The following ANKS1B variants were observed in gnomAD, a reference collection of about 807,000 sequenced individuals.
ANKS1B encodes the protein ankyrin repeat and sterile alpha motif domain-containing protein 1B.
Under a neutral mutation model 148.3 loss-of-function variants are expected in ANKS1B, and 36 were observed. The observed-to-expected ratio is 0.24, with a 90% CI of 0.19 to 0.32. The LOEUF (loss-of-function observed/expected upper bound fraction) is 0.32, where lower values mean the gene tolerates loss of function less well. Ranked by LOEUF, ANKS1B falls within the 10% of genes least tolerant of loss-of-function variation. The probability of loss-of-function intolerance (pLI) is 1.00; values close to 1 mark genes in which losing one functional copy is unlikely to be tolerated. For synonymous variants in ANKS1B, 542 were observed against 560.8 expected (o/e 0.97, Z 0.47); for missense variants, 1,157 against 1,542.6 (o/e 0.75, Z 4.19).
At chr12:99,061,019 C>G (rs1408116894) in intron 16 of ANKS1B, among the ~76,000 whole-genome samples, 1 of 152,170 alleles carries the variant, frequency 6.6e-6, no homozygotes, top group Non-Finnish European at 1.5e-5. Flanking sequence ...ATTAGACAGG[C>G]ATTTTTATGT....
intron 16 of ANKS1B, among the ~76,000 whole-genome samples, 168 bp from the exon 17 acceptor site, chr12:99,053,477 TTAA>T (rs1195511412): frequency 6.6e-6 from 1 of 152,198 alleles, no homozygotes; most frequent in Non-Finnish European, 1.5e-5. Flanking sequence ...TTCTAAAACA[TTAA>T]TAATTTTCAC....
At chr12:99,699,347 A>G (rs1371092342) in intron 8 of ANKS1B, among the ~76,000 whole-genome samples, 1 of 152,178 alleles carries the variant, frequency 6.6e-6, no homozygotes, top group Non-Finnish European at 1.5e-5. Context: ...TCTTTTCATA[A>G]ATAATTACTT....
chr12:98,891,302 CAT>C (rs1037910114), intron 17 of ANKS1B, among the ~76,000 whole-genome samples: 10 of 151,646 alleles, frequency 6.6e-5, no homozygotes, highest in African/African-American at 2.4e-4. Flanking sequence ...ATTGGCCAAA[CAT>C]AAAGATTTTT....
At chr12:98,860,724 G>A (rs1346420735) in intron 17 of ANKS1B, among the ~76,000 whole-genome samples, 1 of 152,142 alleles carries the variant, frequency 6.6e-6, no homozygotes, top group African/African-American at 2.4e-5. Context: ...GCCTGTCAGG[G>A]GTCAGGGGGA....
At chr12:99,696,044 C>A (rs2053855701) in intron 8 of ANKS1B, among the ~76,000 whole-genome samples, 1 of 152,006 alleles carries the variant, frequency 6.6e-6, no homozygotes, top group Non-Finnish European at 1.5e-5. Flanking sequence ...CAGCAAAGCA[C>A]AACATACCCA....
intron 8 of ANKS1B, among the ~76,000 whole-genome samples, chr12:99,760,621 T>A (rs1429629237): frequency 1.3e-5 from 2 of 151,580 alleles, no homozygotes; most frequent in African/African-American, 2.4e-5. Flanking sequence ...ATTAATAATC[T>A]AACATCACAC....
intron 16 of ANKS1B, among the ~76,000 whole-genome samples, chr12:99,071,411 A>G (rs1429026688): frequency 1.3e-5 from 2 of 152,226 alleles, no homozygotes; most frequent in African/African-American, 4.8e-5. Flanking sequence ...CTTATTCAAA[A>G]TGGCGAATAT....
At chr12:99,208,869 G>A (rs2082991800) in intron 14 of ANKS1B, among the ~76,000 whole-genome samples, 1 of 152,100 alleles carries the variant, frequency 6.6e-6, no homozygotes, top group Non-Finnish European at 1.5e-5. Flanking sequence ...TTTCAGCAAT[G>A]TGGTAAAGTA....
intron 17 of ANKS1B, among the ~76,000 whole-genome samples, chr12:99,029,986 G>C (rs944777524): frequency 2.0e-5 from 3 of 152,240 alleles, no homozygotes; most frequent in Non-Finnish European, 2.9e-5. Context: ...AAATGCTTCA[G>C]GAAAGTAGAG....
At chr12:99,266,217 G>A (rs1458992789) in intron 12 of ANKS1B, among the ~76,000 whole-genome samples, 1 of 152,032 alleles carries the variant, frequency 6.6e-6, no homozygotes, top group Non-Finnish European at 1.5e-5. Context: ...CAGTGACATA[G>A]GTTTTATTAC....
chr12:99,168,961 TA>T (rs1217998352), intron 14 of ANKS1B, among the ~76,000 whole-genome samples: 1 of 152,244 alleles, frequency 6.6e-6, no homozygotes, highest in African/African-American at 2.4e-5. Context: ...TTTATTCTTT[TA>T]AAAGTAAAAG....
chr12:99,449,988 A>G (rs930913450), intron 10 of ANKS1B, among the ~76,000 whole-genome samples: 6 of 152,132 alleles, frequency 3.9e-5, no homozygotes, highest in Admixed American at 2.6e-4. Context: ...CATATAATTA[A>G]TGGAGCCTAA....
chr12:99,928,006 T>C (rs1002408398), intron 1 of ANKS1B, among the ~76,000 whole-genome samples: 5 of 152,064 alleles, frequency 3.3e-5, no homozygotes, highest in African/African-American at 9.7e-5. Flanking sequence ...AAATTGAGTG[T>C]TTTCTTAGCT....
At chr12:99,227,277 A>G (rs1566679025) in intron 14 of ANKS1B, among the ~76,000 whole-genome samples, 1 of 152,074 alleles carries the variant, frequency 6.6e-6, no homozygotes, top group Non-Finnish European at 1.5e-5. Flanking sequence ...CATTTGCTAT[A>G]CAAAGTGCCT....
intron 14 of ANKS1B, among the ~76,000 whole-genome samples, chr12:99,192,909 A>G (rs1204985818): frequency 6.6e-6 from 1 of 152,130 alleles, no homozygotes; most frequent in African/African-American, 2.4e-5. Flanking sequence ...TATATTTTAT[A>G]TAATAATAAC....
rs115483172 is a variant in ANKS1B, at chr12:98,896,984, C to T, written c.2779-64848G>A. ...GCTGTCATTTCTTGGCAGTGAACTA[C>T]AGGCTATTTGGAAAGGAGGTGTAAA... On this transcript the variant is annotated intron_variant, in intron 17 of 26. Coordinates refer to ENST00000683438, the MANE Select transcript of ANKS1B (RefSeq NM_001352186.2). Among the ~76,000 whole-genome samples the T allele has an allele frequency of 8.0e-3, 1,214 of 152,324 alleles. 11 individuals are homozygous for T. Among genetic ancestry groups the T allele is most frequent in the African/African-American group, 0.025 (1,026 of 41,564 alleles).
At chr12:99,125,060 G>A (rs923732836) in intron 15 of ANKS1B, among the ~76,000 whole-genome samples, 12 of 152,122 alleles carry the variant, frequency 7.9e-5, no homozygotes, top group Non-Finnish European at 8.8e-5. Context: ...GTAACTGGGG[G>A]TAATGTAGGG....
At chr12:99,254,831 A>G (rs1003922356) in intron 12 of ANKS1B, among the ~76,000 whole-genome samples, 1 of 152,202 alleles carries the variant, frequency 6.6e-6, no homozygotes, top group Non-Finnish European at 1.5e-5. Flanking sequence ...AATGTTAAAC[A>G]TTAGATATTA....
chr12:98,855,533 G>A (rs7973370), intron 17 of ANKS1B, among the ~76,000 whole-genome samples: 64,772 of 152,102 alleles, frequency 0.43, 14,700 homozygotes, highest in African/African-American at 0.58. Context: ...TTCTTCACCA[G>A]AACTATATGG....
Sources: gnomAD v4.1 joint callset for allele counts (sites outside exome capture counted in the v4.1 genomes callset) on GRCh38, gnomAD v4.1.1 for gene constraint, MANE v1.5 for transcripts, NCBI Gene and HGNC (gene_info 2026-07-23, HGNC 2026-07-21) for gene names.